Variants in ATXN2L observed in about 807,000 individuals in gnomAD.
ATXN2L encodes ataxin 2 like, also known as ataxin-2-like protein.
In ATXN2L, 24 loss-of-function variants were observed where a neutral mutation model predicts 120.7. The observed-to-expected ratio is 0.20, with a 90% CI of 0.14 to 0.28. The LOEUF (loss-of-function observed/expected upper bound fraction) is 0.28, where lower values mean the gene tolerates loss of function less well. Among genes scored for constraint, ATXN2L ranks in the 10% least tolerant of loss-of-function variants. The pLI is 1.00. For missense variants in ATXN2L, 1,312 were observed against 1,432.3 expected (o/e 0.92, Z 1.36); for synonymous variants, 653 against 568.1 (o/e 1.15, Z -2.13).
chr16:28,832,603 T>A (rs756881017), intron 12 of ATXN2L, 36 bp downstream of exon 12: 4 of 1,597,420 alleles, frequency 2.5e-6, no homozygotes, highest in Non-Finnish European at 3.4e-6. Context: ...GGATTAATGC[T>A]CCTTTGTCTG....
At chr16:28,823,590 G>C (rs950126442) in intron 1 of ATXN2L, 32 bp downstream of exon 1, 2 of 1,300,966 alleles carry the variant, frequency 1.5e-6, no homozygotes, top group Admixed American at 4.2e-5. Context: ...CGAGGGAGCC[G>C]CGGCCACCCA....
intron 9 of ATXN2L, 83 bp downstream of exon 9, chr16:28,830,873 T>TGTTGGAATGACGCTGCATCG (rs2054114532): frequency 6.6e-7 from 1 of 1,515,898 alleles, no homozygotes; most frequent in East Asian, 2.3e-5. Context: ...GGTTTGGGTG[T>TGTTGGAATGACGCTGCATCG]GTTGGAATGA....
rs1470531820 is a variant in ATXN2L, at chr16:28,834,104, A to C, written c.2065A>C (p.Thr689Pro). 1 of 1,613,884 alleles carries C rather than the reference A, an allele frequency of 6.2e-7. No individual in the cohort carries two copies. The highest frequency in any genetic ancestry group is 1.3e-5 in the African/African-American group (1 of 74,828). ...TSTPTSPGPR[T>P]HSTPSIPVLT... ...TACCCCAACTTCTCCGGGGCCCCGG[A>C]CTCATTCAACTCCCTCCATCCCGGT... The change falls in exon 16 of 22, where the codon ACT (threonine) becomes CCT (proline). Residue 689 changes from threonine to proline, a missense_variant. Thr to Pro is a conservative substitution (Grantham distance 38, BLOSUM62 -1). Transcript: ENST00000336783.
At chr16:28,824,380 G>T (rs2050925168) in intron 1 of ATXN2L, 3 of 1,250,550 alleles carry the variant, frequency 2.4e-6, no homozygotes, top group Non-Finnish European at 3.1e-6. Flanking sequence ...AAAGTCCCGT[G>T]GGTTTTAGTG....
At position 28,834,073 on chromosome 16, in the gene ATXN2L, C is replaced by T; in HGVS notation, c.2034C>T (p.Ser678=). The change falls in exon 16 of 22, where the codon TCC becomes TCT. Residue 678 remains serine (S), a synonymous_variant. Coordinates refer to ENST00000336783, the MANE Select transcript of ATXN2L (RefSeq NM_007245.4). ...PTKPLLSVNK[S]TSTPTSPGPR... is the part of the protein sequence containing the mutation. The stretch of plus-strand genomic sequence containing the variant: ...CTCCCTTGTTTTTGCAGAATAAATC[C>T]ACCAGTACCCCAACTTCTCCGGGGC... The T allele has an allele frequency of 6.2e-7, 1 of 1,613,276 alleles. No individual in the cohort carries two copies. Among genetic ancestry groups the T allele is most frequent in the Non-Finnish European group, 8.5e-7 (1 of 1,179,738 alleles).
rs1338927482 is a variant in ATXN2L, at chr16:28,831,087, G to A, written c.1321+15G>A. On this transcript the variant is annotated intron_variant, in intron 10 of 21. Coordinates refer to ENST00000336783, the MANE Select transcript of ATXN2L (RefSeq NM_007245.4). ...TCCTCCTGCAGGTAAAGCTTTAGTAGTGTTGGATGAAGAAATGGATGGAAA... is the reference window on the plus strand; with the variant it reads ...TCCTCCTGCAGGTAAAGCTTTAGTAATGTTGGATGAAGAAATGGATGGAAA... 6.5e-7 allele frequency: 1 copy of A among 1,538,314 alleles called. No homozygotes were observed. The highest frequency in any genetic ancestry group is 1.2e-5 in the South Asian group (1 of 86,190).
rs1366581985 is a variant in ATXN2L, at chr16:28,833,116, A to G, written c.1717A>G (p.Lys573Glu). The change falls in exon 14 of 22, where the codon AAG becomes GAG. Residue 573 changes from lysine (K) to glutamate (E), a missense_variant. Transcript: ENST00000336783. ...GGATCCTTTTCCTCCCCGGATCTTA[A>G]AGGAGGAGCCCAAAGGAAAGGAGAA... ...SLDPFPPRIL[K>E]EEPKGKEKEV... The G allele has an allele frequency of 3.1e-6, 5 of 1,614,174 alleles. No homozygotes were observed. Among genetic ancestry groups the G allele is most frequent in the Admixed American group, 3.3e-5 (2 of 60,022 alleles).
intron 10 of ATXN2L, 51 bp downstream of exon 10, chr16:28,831,123 G>A (rs1047089796): frequency 4.8e-6 from 6 of 1,248,094 alleles, no homozygotes; most frequent in Middle Eastern, 1.8e-4. Flanking sequence ...TTTGTAAAGA[G>A]ATGTAAATAT....
In ATXN2L at chr16:28,834,552, C is replaced by T. The variant is rs367754572; in HGVS notation, c.2292C>T (p.Ala764=). ...CGGACCAACACCAGCCAGCCTCAGC[C>T]CCGCCGATGATGCAGGCCGCCGCGG... is the stretch of plus-strand genomic sequence containing the variant. ...QRSDQHQPAS[A]PPMMQAAAAA... Residue 764 remains alanine, a synonymous_variant, in exon 18 of 22, where the codon GCC becomes GCT. Coordinates refer to ENST00000336783, the MANE Select transcript of ATXN2L (RefSeq NM_007245.4). 2 of 1,612,284 alleles carry T rather than the reference C, an allele frequency of 1.2e-6. No individual in the cohort carries two copies. The highest frequency in any genetic ancestry group is 1.7e-6 in the Non-Finnish European group (2 of 1,179,754).
rs374483269 is a variant in ATXN2L at position 28,832,450 on chromosome 16, G to T, written c.1517-46G>T. ...TGAATGCATATTTAGTGTGATTTGT[G>T]GTTCTGGACAGAAGGACCTTTAGGC... On this transcript the variant is annotated intron_variant, in intron 11 of 21. Coordinates refer to ENST00000336783, the MANE Select transcript of ATXN2L (RefSeq NM_007245.4). 1.9e-6 allele frequency: 3 copies of T among 1,612,166 alleles called. No individual in the cohort carries two copies. The South Asian group carries it at 3.3e-5, about 18-fold the overall frequency.
chr16:28,834,645 C>T lies in ATXN2L; in HGVS notation c.2385C>T (p.Phe795=). ...SSYIPYNPQQ[F]PGQPAMMQPM... ...ACATCCCCTACAACCCTCAGCAGTT[C>T]CCAGGCCAGCCAGCCATGATGCAGC... The change falls in exon 18 of 22, where the codon TTC becomes TTT. Residue 795 remains phenylalanine, a synonymous_variant. Coordinates refer to ENST00000336783, the MANE Select transcript of ATXN2L (RefSeq NM_007245.4). 1 of 1,614,014 alleles carries T rather than the reference C, an allele frequency of 6.2e-7. No individual in the cohort carries two copies. The highest frequency in any genetic ancestry group is 8.5e-7 in the Non-Finnish European group (1 of 1,180,000).
intron 7 of ATXN2L, 73 bp downstream of exon 7, chr16:28,829,565 A>G (rs1018099327): frequency 1.3e-4 from 157 of 1,193,030 alleles, no homozygotes; most frequent in Middle Eastern, 5.7e-4. Context: ...GTTTCCAGGT[A>G]GAACATAGTT....
chr16:28,823,941 G>C (rs1233911861), intron 1 of ATXN2L: 1 of 274,218 alleles, frequency 3.6e-6, no homozygotes, highest in Non-Finnish European at 5.8e-6. Context: ...GGAGTCTGCT[G>C]CGGGAAGGGG....
chr16:28,831,628 A>G (rs1333472571), intron 10 of ATXN2L, among the ~76,000 whole-genome samples: 1 of 152,196 alleles, frequency 6.6e-6, no homozygotes, highest in Admixed American at 6.5e-5. Context: ...ACACCCTGCC[A>G]GTTGCTAACT....
In ATXN2L at chr16:28,830,817, G is replaced by T. The variant is rs758089205; in HGVS notation, c.1210+27G>T. ...TGAGTTATGAGGTGACTTTGAGGAA[G>T]AGGGCAGGGAAGGGGATGCCAAGGA... On this transcript the variant is annotated intron_variant, in intron 9 of 21. Coordinates refer to ENST00000336783, the MANE Select transcript of ATXN2L (RefSeq NM_007245.4). 21 of 1,568,896 alleles carry T rather than the reference G, an allele frequency of 1.3e-5. No individual in the cohort carries two copies. The Admixed American group carries it at 1.4e-4, about 10-fold the overall frequency.
chr16:28,824,307 G>A (rs2050879387), intron 1 of ATXN2L: 2 of 1,191,308 alleles, frequency 1.7e-6, no homozygotes, highest in Non-Finnish European at 2.1e-6. Context: ...GTGTGTTAAT[G>A]GAATTAAGAG....
intron 6 of ATXN2L, among the ~76,000 whole-genome samples, 154 bp downstream of exon 6, chr16:28,827,140 A>G (rs1314293896): frequency 6.6e-6 from 1 of 152,242 alleles, no homozygotes; most frequent in Non-Finnish European, 1.5e-5. Flanking sequence ...CAAAGTAAAA[A>G]TATCTATTCT....
chr16:28,823,329 GC>G lies in ATXN2L; in HGVS notation c.73del (p.Arg25ValfsTer113). On this transcript the variant is annotated frameshift_variant, in exon 1 of 22. Coordinates refer to ENST00000336783, the MANE Select transcript of ATXN2L (RefSeq NM_007245.4). LOFTEE classifies it high-confidence loss of function. ...QQPPPTQQAV[A>X]RRPPGGTSPP... ...GCCGCCCCCCACGCAACAGGCCGTG[GC>G]CCGTCGGCCCCCCGGGGGCACCAGC... 1 of 1,405,888 alleles carries G rather than the reference GC, an allele frequency of 7.1e-7. No homozygotes were observed. The highest frequency in any genetic ancestry group is 1.7e-5 in the South Asian group (1 of 59,366). 87.1% of individuals were successfully genotyped at this position (1,405,888 alleles called of 1,614,324 possible). A position where few individuals can be genotyped will look rare whatever the true frequency, so the allele number is the denominator to read the frequency against.
rs1163965743 is a variant in ATXN2L at position 28,825,905 on chromosome 16, A to G, written c.465+64A>G. ...AGTAGGAGGAGAATGAAATAGGCTC[A>G]TTGAAGGTGTCAATTGGGTGATGTC... On this transcript the variant is annotated intron_variant, in intron 4 of 21. Transcript: ENST00000336783. The G allele has an allele frequency of 4.9e-6, 7 of 1,429,176 alleles. No individual in the cohort carries two copies. In the African/African-American group the frequency reaches 9.9e-5, roughly 20 times the overall value. 88.5% of individuals were successfully genotyped at this position (1,429,176 alleles called of 1,614,324 possible).
Sources: gnomAD v4.1 joint callset for allele counts (sites outside exome capture counted in the v4.1 genomes callset) on GRCh38, gnomAD v4.1.1 for gene constraint, MANE v1.5 for transcripts, NCBI Gene and HGNC (gene_info 2026-07-23, HGNC 2026-07-21) for gene names.